Variants in DNAH12 observed in about 807,000 individuals in gnomAD.
DNAH12 encodes dynein axonemal heavy chain 12, also known as axonemal beta dynein heavy chain 12.
DNAH12 carries 285 observed loss-of-function variants against 371.5 expected under a neutral mutation model. The ratio of observed to expected loss-of-function variants is 0.77; its 90% CI spans 0.70 to 0.85. The LOEUF is 0.85. Among genes scored for constraint, DNAH12 ranks in the 40% least tolerant of loss-of-function variants. The probability of loss-of-function intolerance (pLI) is 0.00; values close to 1 mark genes in which losing one functional copy is unlikely to be tolerated. For synonymous variants in DNAH12, 1,200 were observed against 1,213.0 expected (o/e 0.99, Z 0.22); for missense variants, 3,611 against 3,689.4 (o/e 0.98, Z 0.55).
intron 34 of DNAH12, among the ~76,000 whole-genome samples, chr3:57,427,045 G>T (rs1204482528): frequency 6.6e-6 from 1 of 151,008 alleles, no homozygotes; most frequent in Non-Finnish European, 1.5e-5. Context: ...CTTTTAAATG[G>T]CACTTTTTTC....
At chr3:57,334,649 A>C (rs2062182004) in intron 61 of DNAH12, 40 bp from the exon 62 acceptor site, 1 of 1,520,106 alleles carries the variant, frequency 6.6e-7, no homozygotes, top group African/African-American at 1.4e-5. Flanking sequence ...TTTTATTGGG[A>C]AAAACTTAAA....
At chr3:57,402,179 G>T (rs1056104901) in intron 43 of DNAH12, among the ~76,000 whole-genome samples, 23 of 152,164 alleles carry the variant, frequency 1.5e-4, no homozygotes, top group African/African-American at 5.5e-4. Context: ...GATTTCTTTG[G>T]TATGAGCTTG....
At chr3:57,318,314 CA>C (rs1404570763) in intron 65 of DNAH12, among the ~76,000 whole-genome samples, 3 of 152,042 alleles carry the variant, frequency 2.0e-5, no homozygotes, top group African/African-American at 4.8e-5. Flanking sequence ...GTCTTTAATC[CA>C]TTTTGAGTTG....
chr3:57,394,601 T>C (rs2063698541), intron 43 of DNAH12, among the ~76,000 whole-genome samples: 1 of 152,146 alleles, frequency 6.6e-6, no homozygotes, highest in African/African-American at 2.4e-5. Context: ...ATAGTCTTAC[T>C]TCAGGGACTG....
chr3:57,483,631 A>G, intron 12 of DNAH12, 120 bp from the exon 13 acceptor site: 8 of 1,149,164 alleles, frequency 7.0e-6, no homozygotes, highest in Non-Finnish European at 9.5e-6. Flanking sequence ...AAATTGCTTG[A>G]TTCACTAAGG....
intron 65 of DNAH12, among the ~76,000 whole-genome samples, chr3:57,316,965 AATTT>A (rs2061699516): frequency 6.6e-6 from 1 of 152,184 alleles, no homozygotes; most frequent in African/African-American, 2.4e-5. Context: ...TGACCTCAAT[AATTT>A]ATTTAATTCA....
chr3:57,445,525 G>A, intron 27 of DNAH12, 106 bp from the exon 28 acceptor site: 14 of 1,011,216 alleles, frequency 1.4e-5, no homozygotes, highest in Non-Finnish European at 1.8e-5. Flanking sequence ...TTCTCCAAAT[G>A]CAGCACCTTT....
chr3:57,326,878 A>G (rs557741614), intron 62 of DNAH12, among the ~76,000 whole-genome samples: 1 of 152,344 alleles, frequency 6.6e-6, no homozygotes, highest in Non-Finnish European at 1.5e-5. Flanking sequence ...TGCCAAGCAA[A>G]TGGAAAACAA....
chr3:57,458,549 C>T lies in DNAH12; in HGVS notation c.2932-329G>A, dbSNP rs182592488. Among the ~76,000 whole-genome samples the T allele has an allele frequency of 1.5e-4, 23 of 152,252 alleles. No homozygotes were observed. In the East Asian group the frequency reaches 4.4e-3, roughly 29 times the overall value. On this transcript the variant is annotated intron_variant, in intron 20 of 73. Transcript: ENST00000495027. ...AATTCTTACTTTTACTACTGTCAAC[C>T]ATAAATGTAACAATTTACAGCAAGG... is the stretch of plus-strand genomic sequence containing the variant.
At position 57,453,309 on chromosome 3, in the gene DNAH12, A is replaced by G. The variant is rs1177800096; in HGVS notation, c.3551T>C (p.Leu1184Pro). 6.4e-7 allele frequency: 1 copy of G among 1,551,136 alleles called. No individual in the cohort carries two copies. The highest frequency in any genetic ancestry group is 1.4e-5 in the African/African-American group (1 of 73,144). ...GKLSKQTRTT[L>P]GALVTIDVHA... The stretch of plus-strand genomic sequence containing the variant: ...GACATCAATAGTAACCAAAGCCCCC[A>G]GAGTGGTCCTGGTCTGCTTAGACAA... Residue 1184 changes from leucine to proline, a missense_variant, in exon 24 of 74, where the codon CTG becomes CCG. Physicochemically the swap from Leu to Pro is moderately conservative, Grantham distance 98 (BLOSUM62 -3). Transcript: ENST00000495027.
intron 19 of DNAH12, among the ~76,000 whole-genome samples, chr3:57,460,185 C>T (rs2066015806): frequency 6.6e-6 from 1 of 151,976 alleles, no homozygotes; most frequent in African/African-American, 2.4e-5. Flanking sequence ...GGGGAAGATG[C>T]TACTAATGTC....
At chr3:57,517,856 T>C (rs1251392294) in intron 4 of DNAH12, among the ~76,000 whole-genome samples, 1 of 151,812 alleles carries the variant, frequency 6.6e-6, no homozygotes, top group Admixed American at 6.6e-5. Context: ...GAGACCAGTC[T>C]GGGCAACATG....
intron 50 of DNAH12, among the ~76,000 whole-genome samples, chr3:57,381,836 C>G (rs1260448623): frequency 3.3e-5 from 5 of 151,682 alleles, no homozygotes; most frequent in African/African-American, 1.2e-4. Flanking sequence ...TCTGCATAGA[C>G]AGAAAAGGAG....
chr3:57,454,372 C>T (rs543613497), intron 23 of DNAH12, among the ~76,000 whole-genome samples: 4 of 151,232 alleles, frequency 2.6e-5, no homozygotes, highest in Non-Finnish European at 5.9e-5. Context: ...TCCAGCTACT[C>T]GGAAGGCTGA....
rs145393423 is a variant in DNAH12 at position 57,444,436 on chromosome 3, C to T, written c.4545+261G>A. On this transcript the variant is annotated intron_variant, in intron 29 of 73. Transcript: ENST00000495027. The stretch of plus-strand genomic sequence containing the variant: ...CAAACTCCTGACCTCAGGTGATCCA[C>T]CCATCTCAGCCTCCCAGAGTCCAGG... Among the ~76,000 whole-genome samples the T allele has an allele frequency of 4.7e-3, 722 of 152,170 alleles. 3 individuals carry two copies. Among genetic ancestry groups the T allele is most frequent in the Middle Eastern group, 6.8e-3 (2 of 294 alleles).
In DNAH12 at chr3:57,373,553, C is replaced by T. The variant is rs962857282; in HGVS notation, c.8759+1818G>A. On this transcript the variant is annotated intron_variant, in intron 55 of 73. Coordinates refer to ENST00000495027, the MANE Select transcript of DNAH12 (RefSeq NM_001366028.2). ...ATTGACCAGGCTGGTCTTGAACTCC[C>T]GACCTTGTGATCTGCCTGCCTCAGC... Among the ~76,000 whole-genome samples, 14 of 151,640 alleles carry T rather than the reference C, an allele frequency of 9.2e-5. No homozygotes were observed. In the East Asian group the frequency reaches 1.9e-3, roughly 21 times the overall value.
chr3:57,434,037 G>A (rs1454942731), intron 30 of DNAH12, among the ~76,000 whole-genome samples: 1 of 151,992 alleles, frequency 6.6e-6, no homozygotes, highest in East Asian at 1.9e-4. Context: ...TTCTCCAAAA[G>A]GGAATATAAT....
rs1416321752 is a variant in DNAH12, at chr3:57,481,905, C to T, written c.1650+1471G>A. 2.0e-5 allele frequency among the ~76,000 whole-genome samples: 3 copies of T among 152,030 alleles called. 1 individual carries two copies. Among genetic ancestry groups the T allele is most frequent in the South Asian group, 4.2e-4 (2 of 4,812 alleles). On this transcript the variant is annotated intron_variant, in intron 13 of 73. Coordinates refer to ENST00000495027, the MANE Select transcript of DNAH12 (RefSeq NM_001366028.2). ...GAAACTGGATCCCTTCCTTACACCTCATACAAAAACTAATTCAAGATGGAT... is the reference window on the plus strand; with the variant it reads ...GAAACTGGATCCCTTCCTTACACCTTATACAAAAACTAATTCAAGATGGAT...
chr3:57,408,739 TG>T (rs1453495462), intron 39 of DNAH12, among the ~76,000 whole-genome samples: 1 of 89,310 alleles, frequency 1.1e-5, no homozygotes, highest in Admixed American at 1.1e-4. Context: ...ACCCAGATTT[TG>T]GATATCTGGA....
Sources: allele counts gnomAD v4.1 joint callset (sites outside exome capture counted in the v4.1 genomes callset), GRCh38; gene constraint gnomAD v4.1.1; transcripts MANE v1.5; gene names NCBI Gene and HGNC (gene_info 2026-07-23, HGNC 2026-07-21).